CADPS2: variants seen among roughly 807,000 people sequenced by gnomAD.
CADPS2 encodes the protein calcium-dependent secretion activator 2.
Under a neutral mutation model 172.5 loss-of-function variants are expected in CADPS2, and 93 were observed. The ratio of observed to expected loss-of-function variants is 0.54; its 90% CI spans 0.46 to 0.64. The LOEUF (loss-of-function observed/expected upper bound fraction) is 0.64. Among genes scored for constraint, CADPS2 ranks in the 30% least tolerant of loss-of-function variants. CADPS2 has a pLI of 0.00. For synonymous variants in CADPS2, 546 were observed against 555.2 expected (o/e 0.98, Z 0.23); for missense variants, 1,420 against 1,565.9 (o/e 0.91, Z 1.57).
At chr7:122,448,211 G>GGTTTC in intron 15 of CADPS2, among the ~76,000 whole-genome samples, 1 of 152,148 alleles carries the variant, frequency 6.6e-6, no homozygotes, top group East Asian at 1.9e-4. Context: ...TATAAAATCT[G>GGTTTC]GTTTCTCTTT....
chr7:122,385,278 T>C (rs997154351), intron 24 of CADPS2, among the ~76,000 whole-genome samples: 1 of 151,902 alleles, frequency 6.6e-6, no homozygotes, highest in Non-Finnish European at 1.5e-5. Context: ...GGTTGTATGC[T>C]ATGGTAATAT....
At chr7:122,487,436 C>T (rs1381090736) in intron 11 of CADPS2, among the ~76,000 whole-genome samples, 1 of 152,050 alleles carries the variant, frequency 6.6e-6, no homozygotes, top group Non-Finnish European at 1.5e-5. Context: ...TGTATAAAGA[C>T]CTCTCAAAAC....
chr7:122,823,340 T>A (rs989079984), intron 1 of CADPS2, among the ~76,000 whole-genome samples: 3 of 152,186 alleles, frequency 2.0e-5, no homozygotes, highest in African/African-American at 7.2e-5. Flanking sequence ...TCCGAGTCTA[T>A]CTCCTAAATG....
intron 6 of CADPS2, among the ~76,000 whole-genome samples, chr7:122,604,820 T>C (rs1181777273): frequency 1.3e-5 from 2 of 152,112 alleles, no homozygotes; most frequent in African/African-American, 4.8e-5. Flanking sequence ...GTAAATACCA[T>C]GGAATCTAAC....
intron 1 of CADPS2, among the ~76,000 whole-genome samples, chr7:122,737,750 T>C (rs1169685865): frequency 6.6e-6 from 1 of 152,084 alleles, no homozygotes; most frequent in Non-Finnish European, 1.5e-5. Context: ...ATAGTTAATA[T>C]TAATAATATT....
At chr7:122,477,551 A>C (rs1438137470) in intron 12 of CADPS2, among the ~76,000 whole-genome samples, 1 of 151,816 alleles carries the variant, frequency 6.6e-6, no homozygotes, top group East Asian at 1.9e-4. Context: ...ACCAAAAAAA[A>C]AAAAACAAAA....
chr7:122,618,328 C>A (rs1450140629), intron 5 of CADPS2, among the ~76,000 whole-genome samples: 1 of 152,096 alleles, frequency 6.6e-6, no homozygotes, highest in Non-Finnish European at 1.5e-5. Flanking sequence ...TGTTTAGGCA[C>A]TTTCAATACT....
chr7:122,552,793 T>TA (rs1178833535), intron 8 of CADPS2, among the ~76,000 whole-genome samples: 8 of 130,348 alleles, frequency 6.1e-5, no homozygotes, highest in Non-Finnish European at 1.3e-4. Flanking sequence ...TTTTTTTTTT[T>TA]ATTATTGTGC....
intron 2 of CADPS2, among the ~76,000 whole-genome samples, chr7:122,711,679 GTCTC>G (rs778806643): frequency 1.3e-5 from 2 of 151,884 alleles, no homozygotes; most frequent in African/African-American, 2.4e-5. Flanking sequence ...TTTAGACAGA[GTCTC>G]TCTCTGTCAC....
intron 17 of CADPS2, among the ~76,000 whole-genome samples, chr7:122,433,513 C>T (rs1257756796): frequency 6.6e-6 from 1 of 151,266 alleles, no homozygotes; most frequent in Non-Finnish European, 1.5e-5. Flanking sequence ...AAGTGATTCT[C>T]CTGCCTCAGC....
chr7:122,857,069 G>T (rs1020281513), intron 1 of CADPS2, among the ~76,000 whole-genome samples: 1 of 152,082 alleles, frequency 6.6e-6, no homozygotes, highest in African/African-American at 2.4e-5. Context: ...TATGAGGAAA[G>T]AATATATAAC....
intron 1 of CADPS2, among the ~76,000 whole-genome samples, chr7:122,774,594 ATAGAG>A (rs2093817528): frequency 1.3e-5 from 2 of 152,174 alleles, no homozygotes; most frequent in African/African-American, 4.8e-5. Flanking sequence ...AATCTTTGCT[ATAGAG>A]TACATTTCTT....
At chr7:122,598,826 A>T (rs539997469) in intron 6 of CADPS2, among the ~76,000 whole-genome samples, 2 of 152,246 alleles carry the variant, frequency 1.3e-5, no homozygotes, top group Admixed American at 1.3e-4. Context: ...TGAGGATACG[A>T]TGTTGAATAA....
At chr7:122,701,957 T>C (rs1208617414) in intron 2 of CADPS2, 26 of 1,613,668 alleles carry the variant, frequency 1.6e-5, no homozygotes, top group Non-Finnish European at 2.2e-5. Context: ...TTGGGGTTTG[T>C]ATGTGTCAAA....
chr7:122,607,596 T>C (rs550538188), intron 6 of CADPS2, among the ~76,000 whole-genome samples: 32 of 152,316 alleles, frequency 2.1e-4, no homozygotes, highest in African/African-American at 7.7e-4. Context: ...TGTTTTTCAC[T>C]GGAGCTCATG....
intron 2 of CADPS2, among the ~76,000 whole-genome samples, chr7:122,724,028 TGGGGTGGA>T (rs1288337456): frequency 1.8e-5 from 1 of 55,088 alleles, no homozygotes; most frequent in East Asian, 6.0e-4. Context: ...GGGCCTGTTG[TGGGGTGGA>T]GGGAGGGGGG....
chr7:122,418,657 C>T (rs564565535), intron 17 of CADPS2, among the ~76,000 whole-genome samples: 1 of 152,092 alleles, frequency 6.6e-6, no homozygotes, highest in Non-Finnish European at 1.5e-5. Context: ...GAAAGATGCA[C>T]AGACACTCCA....
chr7:122,845,143 G>A (rs1811637267), intron 1 of CADPS2, among the ~76,000 whole-genome samples: 1 of 152,084 alleles, frequency 6.6e-6, no homozygotes, highest in African/African-American at 2.4e-5. Flanking sequence ...GTCAGAAGCA[G>A]GATAATAAAC....
chr7:122,639,868 C>T (rs984981430), intron 3 of CADPS2, among the ~76,000 whole-genome samples: 4 of 152,122 alleles, frequency 2.6e-5, no homozygotes, highest in African/African-American at 9.7e-5. Context: ...TGCCTGGATG[C>T]TCTCCTCAAA....
Sources: allele counts gnomAD v4.1 joint callset (sites outside exome capture counted in the v4.1 genomes callset), GRCh38; gene constraint gnomAD v4.1.1; transcripts MANE v1.5; gene names NCBI Gene and HGNC (gene_info 2026-07-23, HGNC 2026-07-21).